The following SMC4 variants were observed in gnomAD, a reference collection of about 807,000 sequenced individuals.
SMC4 encodes structural maintenance of chromosomes protein 4.
A neutral mutation model predicts 145.6 loss-of-function variants in SMC4; 87 were observed. That is an observed-to-expected ratio of 0.60 (90% CI 0.50 to 0.71). The LOEUF is 0.71. SMC4 is among the 30% of genes least tolerant of loss of function. SMC4 has a pLI of 0.00. For synonymous variants in SMC4, 558 were observed against 500.7 expected, an observed-to-expected ratio of 1.11 and a Z score of -1.53; for missense variants, 1,447 against 1,537.1, an observed-to-expected ratio of 0.94 and a Z score of 0.98.
At chr3:160,405,402 C>T (rs111551488) in intron 5 of SMC4, among the ~76,000 whole-genome samples, 58 of 151,564 alleles carry the variant, frequency 3.8e-4, no homozygotes, top group African/African-American at 1.2e-3. Flanking sequence ...GTGTTCTATC[C>T]AGAATCACCG....
chr3:160,413,560 T>C lies in SMC4; in HGVS notation c.1068T>C (p.Asn356=), dbSNP rs1325129900. ...CCAAAGAAATTAATGAGAAGAGCAA[T>C]ATACTATCAAATGAAATGAAAGCTA... The part of the protein sequence containing the change: ...EDTKEINEKS[N]ILSNEMKAKN... The change falls in exon 8 of 24, where the codon AAT becomes AAC. Residue 356 remains asparagine, a synonymous_variant. Transcript: ENST00000357388. The C allele has an allele frequency of 3.1e-5, 47 of 1,506,998 alleles. No homozygotes were observed. The highest frequency in any genetic ancestry group is 3.2e-5 in the Non-Finnish European group (35 of 1,106,002). The allele number at this position is 1,506,998 out of a possible 1,614,324, so 93.4% of individuals were successfully genotyped here.
At chr3:160,433,456 A>G (rs185909346) in intron 23 of SMC4, 1 of 542,674 alleles carries the variant, frequency 1.8e-6, no homozygotes, top group Admixed American at 3.7e-5. Flanking sequence ...ATCCTAGGTC[A>G]TCTTCCTAGA....
rs1218086227 is a variant in SMC4, at chr3:160,423,462, C to G, written c.2057C>G (p.Thr686Ser). ...GCGAAAAAGATGACCGAAATTCAAA[C>G]TCCTGAAAATACTCCTCGTTTATTT... ...VWAKKMTEIQ[T>S]PENTPRLFDL... Residue 686 changes from threonine to serine, a missense_variant, in exon 14 of 24, where the codon ACT becomes AGT. Thr to Ser is a moderately conservative substitution (Grantham distance 58, BLOSUM62 1). Coordinates refer to ENST00000357388, the MANE Select transcript of SMC4 (RefSeq NM_001002800.3). 5.7e-6 allele frequency: 9 copies of G among 1,572,726 alleles called. No homozygotes were observed. The African/African-American group carries it at 1.2e-4, about 22-fold the overall frequency.
chr3:160,417,643 A>G, intron 10 of SMC4, 80 bp from the exon 11 acceptor site: 1 of 1,084,932 alleles, frequency 9.2e-7, no homozygotes. Context: ...CTTAAATCGA[A>G]TATAAAATGT....
chr3:160,420,285 C>T (rs966052532), intron 12 of SMC4, among the ~76,000 whole-genome samples: 2 of 152,202 alleles, frequency 1.3e-5, no homozygotes, highest in African/African-American at 4.8e-5. Context: ...ATGATTGCTT[C>T]TGCATCTTGT....
At chr3:160,415,086 T>C (rs1344037926) in intron 9 of SMC4, among the ~76,000 whole-genome samples, 1 of 152,218 alleles carries the variant, frequency 6.6e-6, no homozygotes. Context: ...GAATTACCAA[T>C]GTTGGCCAGG....
chr3:160,422,738 C>T (rs1460492146), intron 13 of SMC4, among the ~76,000 whole-genome samples: 2 of 152,156 alleles, frequency 1.3e-5, no homozygotes, highest in Non-Finnish European at 2.9e-5. Context: ...AATCCAAGGT[C>T]ACAGTGATTT....
chr3:160,402,439 GA>G (rs1176112840), intron 3 of SMC4, among the ~76,000 whole-genome samples: 1 of 151,950 alleles, frequency 6.6e-6, no homozygotes, highest in African/African-American at 2.4e-5. Context: ...ACTATAAAAT[GA>G]GTTTTCTAAA....
intron 5 of SMC4, among the ~76,000 whole-genome samples, chr3:160,407,865 A>G (rs1048603214): frequency 6.6e-6 from 1 of 152,180 alleles, no homozygotes; most frequent in Admixed American, 6.5e-5. Flanking sequence ...CCAGAAATAG[A>G]TATCAAGAAG....
chr3:160,413,461 T>C lies in SMC4; in HGVS notation c.981-12T>C, dbSNP rs774660239. The C allele has an allele frequency of 6.4e-6, 10 of 1,566,336 alleles. No homozygotes were observed. The highest frequency in any genetic ancestry group is 2.3e-5 in the East Asian group (1 of 43,800). The stretch of plus-strand genomic sequence containing the variant: ...GAGCTTCAATTTCTTTTTTTTTTTT[T>C]CCTCCCTATAGTTATGAGTTGCAGA... On this transcript the variant is annotated splice_polypyrimidine_tract_variant and intron_variant, in intron 7 of 23. Coordinates refer to ENST00000357388, the MANE Select transcript of SMC4 (RefSeq NM_001002800.3).
intron 9 of SMC4, among the ~76,000 whole-genome samples, chr3:160,415,882 G>C (rs554640207): frequency 6.6e-6 from 1 of 152,202 alleles, no homozygotes; most frequent in Admixed American, 6.5e-5. Context: ...ATAATTTGTG[G>C]TAAGTTATGA....
Position 160,428,325 on chromosome 3 carries a change from T to C in SMC4, c.2606-428T>C, listed in dbSNP as rs1402125798. ...CTAATTCATCTTATATCCTCCACTT[T>C]GTTTTAATGTGGAGAACTGCGAAGT... On this transcript the variant is annotated intron_variant, in intron 17 of 23. Transcript: ENST00000357388. Among the ~76,000 whole-genome samples, 7 of 152,250 alleles carry C rather than the reference T, an allele frequency of 4.6e-5. No homozygotes were observed. The East Asian group carries it at 7.7e-4, about 17-fold the overall frequency.
At chr3:160,416,178 T>TA (rs1412602124) in intron 9 of SMC4, 73 bp from the exon 10 acceptor site, 15 of 1,117,426 alleles carry the variant, frequency 1.3e-5, no homozygotes, top group African/African-American at 4.8e-5. Context: ...GAAATGCCTT[T>TA]AAATATGTCA....
chr3:160,401,443 AGGAGTT>A (rs1714639763), intron 2 of SMC4, among the ~76,000 whole-genome samples: 1 of 152,178 alleles, frequency 6.6e-6, no homozygotes, highest in Non-Finnish European at 1.5e-5. Flanking sequence ...TTGTGAGTCC[AGGAGTT>A]GGGTGACATT....
intron 16 of SMC4, 138 bp from the exon 17 acceptor site, chr3:160,425,936 A>G (rs1020758210): frequency 4.9e-6 from 3 of 615,108 alleles, no homozygotes; most frequent in African/African-American, 1.9e-5. Context: ...TTCATTTTTT[A>G]TATCAATGGC....
intron 5 of SMC4, among the ~76,000 whole-genome samples, chr3:160,409,792 C>T (rs1715778297): frequency 6.6e-6 from 1 of 152,160 alleles, no homozygotes; most frequent in Non-Finnish European, 1.5e-5. Flanking sequence ...CTAGACTAGG[C>T]ATGGTGGGTC....
intron 20 of SMC4, 24 bp downstream of exon 20, chr3:160,431,229 A>T (rs1364125163): frequency 6.5e-7 from 1 of 1,536,468 alleles, no homozygotes; most frequent in South Asian, 1.2e-5. Context: ...CGTTTAGTTT[A>T]ATTTTAAACA....
intron 16 of SMC4, 25 bp from the exon 17 acceptor site, chr3:160,426,049 C>T: frequency 1.3e-6 from 2 of 1,540,824 alleles, no homozygotes; most frequent in Non-Finnish European, 1.8e-6. Flanking sequence ...AAATATTGAC[C>T]TTAAATGTTA....
chr3:160,431,004 C>A, intron 19 of SMC4, 28 bp from the exon 20 acceptor site: 1 of 1,571,710 alleles, frequency 6.4e-7, no homozygotes, highest in South Asian at 1.2e-5. Flanking sequence ...TTGGAAAATT[C>A]TATCTAGCAG....
Sources: gnomAD v4.1 joint callset for allele counts (sites outside exome capture counted in the v4.1 genomes callset) on GRCh38, gnomAD v4.1.1 for gene constraint, MANE v1.5 for transcripts, NCBI Gene and HGNC (gene_info 2026-07-23, HGNC 2026-07-21) for gene names.